The following PARD3 variants were observed in gnomAD, a reference collection of about 807,000 sequenced individuals.
The protein encoded by PARD3 is par-3 family cell polarity regulator.
Under a neutral mutation model 155.4 loss-of-function variants are expected in PARD3, and 75 were observed. The ratio of observed to expected loss-of-function variants is 0.48; its 90% confidence interval spans 0.40 to 0.58. The LOEUF (loss-of-function observed/expected upper bound fraction) is 0.58, where lower values mean the gene tolerates loss of function less well. Ranked by LOEUF, PARD3 falls within the 20% of genes least tolerant of loss-of-function variation. The pLI is 0.00. For synonymous variants in PARD3, 576 were observed against 610.5 expected (o/e 0.94, Z 0.83); for missense variants, 1,642 against 1,721.7 (o/e 0.95, Z 0.82).
chr10:34,603,440 CT>C (rs1348656078), intron 2 of PARD3, among the ~76,000 whole-genome samples: 6 of 152,212 alleles, frequency 3.9e-5, no homozygotes, highest in African/African-American at 1.4e-4. Flanking sequence ...AAGATTGTCT[CT>C]TCTGCCTAAT....
chr10:34,494,420 A>G (rs2080134331), intron 3 of PARD3, among the ~76,000 whole-genome samples: 1 of 152,234 alleles, frequency 6.6e-6, no homozygotes, highest in South Asian at 2.1e-4. Context: ...TCTTAACCGT[A>G]CTGGGAAGCT....
At chr10:34,704,641 G>A (rs1352133248) in intron 1 of PARD3, among the ~76,000 whole-genome samples, 1 of 152,146 alleles carries the variant, frequency 6.6e-6, no homozygotes, top group East Asian at 1.9e-4. Flanking sequence ...AAAAGAACCA[G>A]GAGCAAGAGT....
intron 20 of PARD3, among the ~76,000 whole-genome samples, chr10:34,312,639 G>C (rs558039393): frequency 1.3e-5 from 2 of 152,126 alleles, no homozygotes; most frequent in Non-Finnish European, 2.9e-5. Flanking sequence ...ATAAAACAAT[G>C]CTTCGGGGAC....
intron 2 of PARD3, among the ~76,000 whole-genome samples, chr10:34,578,033 T>C (rs1478278276): frequency 1.3e-5 from 2 of 148,674 alleles, no homozygotes; most frequent in African/African-American, 4.9e-5. Flanking sequence ...GGCTATGTTT[T>C]TTTGTTTTCT....
intron 7 of PARD3, among the ~76,000 whole-genome samples, chr10:34,389,644 C>T (rs754042737): frequency 7.2e-5 from 11 of 152,054 alleles, no homozygotes; most frequent in African/African-American, 2.4e-4. Flanking sequence ...AACATCACAA[C>T]GGTAGGGAAG....
chr10:34,753,180 C>T, intron 1 of PARD3, among the ~76,000 whole-genome samples: 1 of 152,188 alleles, frequency 6.6e-6, no homozygotes, highest in Non-Finnish European at 1.5e-5. Flanking sequence ...CGAAGTCTCT[C>T]TTCTTCATAC....
intron 5 of PARD3, among the ~76,000 whole-genome samples, chr10:34,433,725 A>C (rs1180561427): frequency 6.6e-6 from 1 of 152,230 alleles, no homozygotes; most frequent in Non-Finnish European, 1.5e-5. Context: ...CTATGGAATA[A>C]GATTTTTTTA....
intron 2 of PARD3, among the ~76,000 whole-genome samples, chr10:34,625,493 A>G (rs1280837471): frequency 6.6e-6 from 1 of 152,254 alleles, no homozygotes; most frequent in Non-Finnish European, 1.5e-5. Context: ...GTTTTAGTCC[A>G]TGCACTCAAG....
intron 21 of PARD3, among the ~76,000 whole-genome samples, chr10:34,273,549 T>G (rs1410748213): frequency 6.6e-6 from 1 of 152,174 alleles, no homozygotes; most frequent in African/African-American, 2.4e-5. Context: ...GCTACACTAA[T>G]GTGCACAGGT....
chr10:34,470,232 G>A lies in PARD3; in HGVS notation c.435C>T (p.Asp145=). 1 of 1,611,844 alleles carries A rather than the reference G, an allele frequency of 6.2e-7. No individual in the cohort carries two copies. The highest frequency in any genetic ancestry group is 1.1e-5 in the South Asian group (1 of 90,384). The change falls in exon 4 of 25, where the codon GAC becomes GAT. Residue 145 remains aspartate, a synonymous_variant. Coordinates refer to ENST00000374788, the MANE Select transcript of PARD3 (RefSeq NM_001184785.2). ...AAGTGGAGAGGCCAATTAGAGCTGG[G>A]TCACTACTGCGTCGAACATGAAGAG... ...NMPLHVRRSS[D]PALIGLSTSV...
Position 34,309,431 on chromosome 10 carries a change from G to A in PARD3, c.3065+7676C>T, listed in dbSNP as rs541129113. ...AAAAGTAGTAGGCACAGTGGTGCAC[G>A]CCTGTAGTCCCAGCTACTGGGAAGG... On this transcript the variant is annotated intron_variant, in intron 20 of 24. Coordinates refer to ENST00000374788, the MANE Select transcript of PARD3 (RefSeq NM_001184785.2). Among the ~76,000 whole-genome samples, 9 of 151,706 alleles carry A rather than the reference G, an allele frequency of 5.9e-5. No individual in the cohort carries two copies. In the South Asian group the frequency reaches 6.3e-4, roughly 11 times the overall value.
intron 22 of PARD3, among the ~76,000 whole-genome samples, chr10:34,146,239 T>C (rs1358281985): frequency 6.6e-6 from 1 of 152,210 alleles, no homozygotes; most frequent in Non-Finnish European, 1.5e-5. Flanking sequence ...TATTTTCAAA[T>C]AGCTTAAATG....
chr10:34,249,405 T>C (rs1954157062), intron 22 of PARD3, among the ~76,000 whole-genome samples: 1 of 152,230 alleles, frequency 6.6e-6, no homozygotes, highest in Non-Finnish European at 1.5e-5. Flanking sequence ...TGAAAGTTAA[T>C]AATATGCACT....
chr10:34,710,919 T>C (rs762255354), intron 1 of PARD3, among the ~76,000 whole-genome samples: 3 of 152,114 alleles, frequency 2.0e-5, no homozygotes, highest in Non-Finnish European at 4.4e-5. Context: ...CTGGCACGCA[T>C]AACCTCAGCA....
At chr10:34,594,834 AT>A (rs1297791562) in intron 2 of PARD3, among the ~76,000 whole-genome samples, 4 of 152,164 alleles carry the variant, frequency 2.6e-5, no homozygotes, top group African/African-American at 9.7e-5. Context: ...TCTCAAAAAA[AT>A]AAAATAAAAT....
At chr10:34,225,534 C>A (rs914373456) in intron 22 of PARD3, among the ~76,000 whole-genome samples, 1 of 152,062 alleles carries the variant, frequency 6.6e-6, no homozygotes, top group Non-Finnish European at 1.5e-5. Context: ...CTAGTTGAGA[C>A]AAGGTTTCAC....
At chr10:34,572,732 A>G (rs2086528833) in intron 2 of PARD3, among the ~76,000 whole-genome samples, 1 of 151,830 alleles carries the variant, frequency 6.6e-6, no homozygotes, top group East Asian at 1.9e-4. Flanking sequence ...ACTGATCAGC[A>G]TCAAAACTAA....
intron 22 of PARD3, among the ~76,000 whole-genome samples, chr10:34,217,244 G>A (rs1041657355): frequency 3.3e-5 from 5 of 151,852 alleles, no homozygotes; most frequent in African/African-American, 1.2e-4. Flanking sequence ...CGCTGTCTCT[G>A]TCTCTCTCCA....
chr10:34,472,716 T>C (rs1398325901), intron 3 of PARD3, among the ~76,000 whole-genome samples: 1 of 152,028 alleles, frequency 6.6e-6, no homozygotes, highest in East Asian at 1.9e-4. Context: ...AGCACAAACA[T>C]AGGACCAAAA....
Sources: allele counts gnomAD v4.1 joint callset (sites outside exome capture counted in the v4.1 genomes callset), GRCh38; gene constraint gnomAD v4.1.1; transcripts MANE v1.5; gene names NCBI Gene and HGNC (gene_info 2026-07-23, HGNC 2026-07-21).